The following DST variants were observed in gnomAD, a reference collection of about 807,000 sequenced individuals.
DST encodes bullous pemphigoid antigen.
Under a neutral mutation model 875.2 loss-of-function variants are expected in DST, and 253 were observed. The ratio of observed to expected loss-of-function variants is 0.29; its 90% CI spans 0.26 to 0.32. The LOEUF (loss-of-function observed/expected upper bound fraction) is 0.32. Among genes scored for constraint, DST ranks in the 10% least tolerant of loss-of-function variants. DST has a pLI of 1.00. For missense variants in DST, 8,287 were observed against 9,111.6 expected, an observed-to-expected ratio of 0.91 and a Z score of 3.68; for synonymous variants, 3,124 against 3,197.1, an observed-to-expected ratio of 0.98 and a Z score of 0.77.
At chr6:56,709,893 C>A (rs2099356000) in intron 5 of DST, among the ~76,000 whole-genome samples, 1 of 152,034 alleles carries the variant, frequency 6.6e-6, no homozygotes. Context: ...AGGAAAAAGG[C>A]AAGGACACAC....
chr6:56,826,548 T>C (rs1271812114), intron 4 of DST, among the ~76,000 whole-genome samples: 1 of 152,230 alleles, frequency 6.6e-6, no homozygotes, highest in Admixed American at 6.5e-5. Flanking sequence ...TAGCTCTCTC[T>C]GTTTGCATAT....
At chr6:56,824,547 A>G (rs945574589) in intron 4 of DST, among the ~76,000 whole-genome samples, 2 of 147,672 alleles carry the variant, frequency 1.4e-5, no homozygotes, top group East Asian at 4.1e-4. Flanking sequence ...CCACCATCCC[A>G]TCTAGGAAAT....
In DST at chr6:56,555,404, T is replaced by G. The variant is rs1444850943; in HGVS notation, c.15077A>C (p.Glu5026Ala). 4.3e-6 allele frequency: 7 copies of G among 1,612,156 alleles called. No homozygotes were observed. Among genetic ancestry groups the G allele is most frequent in the Non-Finnish European group, 5.1e-6 (6 of 1,178,786 alleles). ...GATGCCTTCTAGTTGCCTACTAAGT[T>G]CTGCTTTCAAGTACTCTTCTTTAAC... ...ALVKEEYLKA[E>A]LSRQLEGILK... The change falls in exon 60 of 104, where the codon GAA becomes GCA. Residue 5026 changes from glutamate to alanine, a missense_variant. By Grantham distance (107) the Glu-to-Ala change is moderately radical. Coordinates refer to ENST00000680361, the MANE Select transcript of DST (RefSeq NM_001374736.1).
At chr6:56,506,917 G>C (rs998260518) in intron 75 of DST, 128 bp from the exon 76 acceptor site, 2 of 995,602 alleles carry the variant, frequency 2.0e-6, no homozygotes, top group Middle Eastern at 3.3e-4. Flanking sequence ...TGTTTTCTAA[G>C]TTTCTGCAAT....
chr6:56,618,324 G>A (rs1434477426), intron 36 of DST: 6 of 1,614,192 alleles, frequency 3.7e-6, no homozygotes, highest in Admixed American at 3.3e-5. Context: ...GGTGTTGGGT[G>A]AAGGTGTCCA....
chr6:56,872,040 G>A (rs1037320233), intron 3 of DST, among the ~76,000 whole-genome samples: 24 of 152,132 alleles, frequency 1.6e-4, no homozygotes, highest in Non-Finnish European at 1.6e-4. Context: ...TATGTCCAGC[G>A]ATTCTACTAA....
intron 55 of DST, among the ~76,000 whole-genome samples, chr6:56,564,730 T>C (rs886627458): frequency 2.6e-5 from 4 of 152,214 alleles, no homozygotes; most frequent in Admixed American, 1.3e-4. Flanking sequence ...ACTCTTATTG[T>C]TTTGAGATAC....
In DST at chr6:56,511,249, T is replaced by A; in HGVS notation, c.18728A>T (p.Asp6243Val). ...CAGTGCCACAGCACGCTTTTTGACA[T>A]CTTCTTTAATTTGACTGTAAAGGGT... is the stretch of plus-strand genomic sequence containing the variant. ...ADTLYSQIKE[D>V]VKKRAVALDE... The change falls in exon 73 of 104, where the codon GAT (aspartate) becomes GTT (valine). Residue 6243 changes from aspartate (D) to valine (V), a missense_variant. Transcript: ENST00000680361. 5 of 1,596,452 alleles carry A rather than the reference T, an allele frequency of 3.1e-6. No individual in the cohort carries two copies. The highest frequency in any genetic ancestry group is 3.4e-6 in the Non-Finnish European group (4 of 1,170,444).
chr6:56,635,959 T>A (rs1179185149), intron 23 of DST, among the ~76,000 whole-genome samples: 1 of 152,202 alleles, frequency 6.6e-6, no homozygotes, highest in East Asian at 1.9e-4. Context: ...TTATTTTGGC[T>A]GAAGGTCCAT....
rs768907971 is a variant in DST, at chr6:56,506,707, C to A, written c.19322G>T (p.Gly6441Val). ...CTTGACAATGGGTTTATCAGGCTCC[C>A]CACATGCCGCAATGAGTTCAGAACC... ...NLGSELIAAC[G>V]EPDKPIVKKS... The change falls in exon 76 of 104, where the codon GGG becomes GTG. Residue 6441 changes from glycine (G) to valine (V), a missense_variant. Physicochemically the swap from Gly to Val is moderately radical, Grantham distance 109. Coordinates refer to ENST00000680361, the MANE Select transcript of DST (RefSeq NM_001374736.1). 1 of 1,613,538 alleles carries A rather than the reference C, an allele frequency of 6.2e-7. No individual in the cohort carries two copies. Among genetic ancestry groups the A allele is most frequent in the Non-Finnish European group, 8.5e-7 (1 of 1,179,698 alleles).
At chr6:56,682,609 G>A (rs2099162204) in intron 9 of DST, among the ~76,000 whole-genome samples, 1 of 152,198 alleles carries the variant, frequency 6.6e-6, no homozygotes, top group African/African-American at 2.4e-5. Flanking sequence ...GCAGAGGATT[G>A]CGGTTGAGAA....
chr6:56,905,417 C>T (rs911631466), intron 2 of DST, among the ~76,000 whole-genome samples: 19 of 152,164 alleles, frequency 1.2e-4, no homozygotes, highest in African/African-American at 4.6e-4. Flanking sequence ...CCTATCTCTC[C>T]TTCCCTCCAG....
At position 56,603,871 on chromosome 6, in the gene DST, T is replaced by C. The variant is rs769836979; in HGVS notation, c.10757A>G (p.Lys3586Arg). 14 of 1,611,694 alleles carry C rather than the reference T, an allele frequency of 8.7e-6. 1 individual carries two copies. In the South Asian group the frequency reaches 1.4e-4, roughly 16 times the overall value. Residue 3586 changes from lysine (K) to arginine (R), a missense_variant, in exon 40 of 104, where the codon AAA becomes AGA. Lys to Arg is a conservative substitution (Grantham distance 26). Around this residue, in one of 10 missense-constraint regions of DST, gnomAD observed 3,138 missense variants for 3,116.6 expected, o/e 1.01. Transcript: ENST00000680361. ...PSHLECTSGS[K>R]EMASGDSSTE... is the part of the protein sequence containing the mutation. ...TGAGCTATCTCCAGAAGCCATCTCT[T>C]TAGACCCTGAAGTACATTCCAAATG...
intron 4 of DST, among the ~76,000 whole-genome samples, chr6:56,781,381 A>G (rs1162305775): frequency 6.6e-6 from 1 of 152,076 alleles, no homozygotes; most frequent in East Asian, 1.9e-4. Context: ...ATTCGTTTGT[A>G]TCCTCTTTTA....
chr6:56,608,401 T>C lies in DST; in HGVS notation c.6227A>G (p.His2076Arg). ...TGATGTGGGAAATATTTCACCAGAA[T>C]GGGGCCAAATGAGTCCAACATAGCC... Reference protein sequence around the residue: ...QRGYVGLIWPHSGEIFPTSSS... With the variant: ...QRGYVGLIWPRSGEIFPTSSS... The change falls in exon 40 of 104, where the codon CAT becomes CGT. Residue 2076 changes from histidine to arginine, a missense_variant. Transcript: ENST00000680361. 2 of 1,613,522 alleles carry C rather than the reference T, an allele frequency of 1.2e-6. No homozygotes were observed. The highest frequency in any genetic ancestry group is 1.1e-5 in the South Asian group (1 of 91,084).
intron 5 of DST, among the ~76,000 whole-genome samples, chr6:56,727,349 C>A (rs1176978465): frequency 6.6e-6 from 1 of 152,132 alleles, no homozygotes; most frequent in East Asian, 1.9e-4. Context: ...TTCGTCAGGA[C>A]CTCCTGAGGC....
At position 56,506,551 on chromosome 6, in the gene DST, G is replaced by A. The variant is rs1242516146; in HGVS notation, c.19363-7C>T. 5.6e-6 allele frequency: 9 copies of A among 1,611,072 alleles called. No homozygotes were observed. Among genetic ancestry groups the A allele is most frequent in the Non-Finnish European group, 6.8e-6 (8 of 1,178,110 alleles). ...AATCCCATGCTGAATTTAACTACAA[G>A]ATGTATGTTAGAATTCTTTTAGTGC... On this transcript the variant is annotated splice_polypyrimidine_tract_variant and splice_region_variant and intron_variant, in intron 76 of 103. Transcript: ENST00000680361.
At chr6:56,795,310 CTG>C (rs1020288445) in intron 4 of DST, among the ~76,000 whole-genome samples, 1 of 151,952 alleles carries the variant, frequency 6.6e-6, no homozygotes, top group African/African-American at 2.4e-5. Flanking sequence ...GGAAATCACT[CTG>C]TAAACAAAAG....
At chr6:56,708,868 T>C (rs1374670438) in intron 5 of DST, among the ~76,000 whole-genome samples, 1 of 152,130 alleles carries the variant, frequency 6.6e-6, no homozygotes, top group African/African-American at 2.4e-5. Context: ...TAGGAGTGAG[T>C]CATAGGCATT....
Sources: gnomAD v4.1 joint callset for allele counts (sites outside exome capture counted in the v4.1 genomes callset) on GRCh38, gnomAD v4.1.1 for gene constraint, gnomAD v4.1.1 regional missense constraint, MANE v1.5 for transcripts, NCBI Gene and HGNC (gene_info 2026-07-23, HGNC 2026-07-21) for gene names.